The following ENOSF1 variants were observed in gnomAD, a reference collection of about 807,000 sequenced individuals.
The protein encoded by ENOSF1 is enolase superfamily member 1, also known as mitochondrial enolase superfamily member 1.
Under a neutral mutation model 68.2 loss-of-function variants are expected in ENOSF1, and 73 were observed. That is an observed-to-expected ratio of 1.07 (90% CI 0.89 to 1.30). The LOEUF is 1.30. ENOSF1 is among the 50% of genes most tolerant of loss of function. The pLI, the probability that ENOSF1 is intolerant of heterozygous loss-of-function variation, is 0.00. For missense variants in ENOSF1, 589 were observed against 554.5 expected, an observed-to-expected ratio of 1.06 and a Z score of -0.62; for synonymous variants, 223 against 210.4, an observed-to-expected ratio of 1.06 and a Z score of -0.52.
intron 11 of ENOSF1, among the ~76,000 whole-genome samples, chr18:682,607 C>T (rs1786209515): frequency 6.6e-6 from 1 of 151,616 alleles, no homozygotes; most frequent in African/African-American, 2.4e-5. Flanking sequence ...CGGTGGCTCA[C>T]TCCTGTAATC....
At chr18:690,911 C>T (rs2077090673) in intron 7 of ENOSF1, 157 bp downstream of exon 7, 5 of 1,183,492 alleles carry the variant, frequency 4.2e-6, no homozygotes, top group Non-Finnish European at 5.9e-6. Flanking sequence ...GAGGTCATAC[C>T]CAGCAGGCTT....
chr18:674,207 G>C lies in ENOSF1; in HGVS notation c.*98C>G. 1 of 813,046 alleles carries C rather than the reference G, an allele frequency of 1.2e-6. No individual in the cohort carries two copies. The highest frequency in any genetic ancestry group is 2.0e-6 in the Non-Finnish European group (1 of 498,098). The allele number at this position is 813,046 out of a possible 1,614,324, so 50.4% of individuals were successfully genotyped here. A position where few individuals can be genotyped will look rare whatever the true frequency, so the allele number is the denominator to read the frequency against. ...TATGACTTCTAGCTGAACTCATCTT[G>C]ATCGGTAGGATTTTTTAAATCCATT... On this transcript the variant is annotated 3_prime_UTR_variant, in exon 16 of 16. Coordinates refer to ENST00000647584, the MANE Select transcript of ENOSF1 (RefSeq NM_017512.7).
rs781476902 is a variant in ENOSF1, at chr18:677,410, G to C, written c.1083C>G (p.Leu361=). 2 of 1,613,870 alleles carry C rather than the reference G, an allele frequency of 1.2e-6. No individual in the cohort carries two copies. The highest frequency in any genetic ancestry group is 1.7e-6 in the Non-Finnish European group (2 of 1,179,980). Residue 361 remains leucine, a synonymous_variant, in exon 14 of 16, where the codon CTC becomes CTG. Coordinates refer to ENST00000647584, the MANE Select transcript of ENOSF1 (RefSeq NM_017512.7). ...PVCPHAGGVG[L]CELVQHLIIF... ...TAATCAGGTGCTGCACCAGTTCACA[G>C]AGGCCAACTCCACCAGCATGGGGGC...
intron 5 of ENOSF1, chr18:692,785 G>A: frequency 9.9e-7 from 1 of 1,007,646 alleles, no homozygotes; most frequent in Non-Finnish European, 1.2e-6. Flanking sequence ...ATCTAGAAGG[G>A]GGCTCAAGAG....
downstream of ENOSF1, chr18:669,390 T>TTTTTTTA (rs2074937286): frequency 2.4e-6 from 1 of 419,526 alleles, no homozygotes; most frequent in African/African-American, 2.3e-5. Flanking sequence ...TTTTTTTTTT[T>TTTTTTTA]GAGACAGAGT....
chr18:690,404 TGGA>T (rs1290227133), intron 8 of ENOSF1, 142 bp downstream of exon 8: 4 of 838,816 alleles, frequency 4.8e-6, no homozygotes, highest in East Asian at 2.5e-5. Context: ...CACAGAGAAG[TGGA>T]GAACTGGTTG....
intron 10 of ENOSF1, among the ~76,000 whole-genome samples, chr18:685,639 A>T (rs527641948): frequency 4.6e-5 from 7 of 152,250 alleles, no homozygotes; most frequent in Admixed American, 4.6e-4. Flanking sequence ...TGATTGACAC[A>T]CCAGAGCACC....
intron 11 of ENOSF1, among the ~76,000 whole-genome samples, chr18:679,208 CTT>C (rs71174268): frequency 0.32 from 38,964 of 123,058 alleles, 5,217 homozygotes; most frequent in East Asian, 0.41. Flanking sequence ...CCTCTCATAT[CTT>C]TTTTTTTTTT....
rs769227031 is a variant in ENOSF1 at position 683,236 on chromosome 18, G to A, written c.876+10C>T. On this transcript the variant is annotated intron_variant, in intron 11 of 15. Transcript: ENST00000647584. ...ATAAGCTGCCACAGCAGCAGCAGCCGTTTTCCTACCTTGGAAATGGTGGCG... is the reference window on the plus strand; with the variant it reads ...ATAAGCTGCCACAGCAGCAGCAGCCATTTTCCTACCTTGGAAATGGTGGCG... The A allele has an allele frequency of 1.6e-5, 26 of 1,613,818 alleles. 2 individuals carry two copies. The highest frequency in any genetic ancestry group is 1.0e-4 in the Admixed American group (6 of 59,986).
At position 677,763 on chromosome 18, in the gene ENOSF1, A is replaced by G. The variant is rs768564048; in HGVS notation, c.1028T>C (p.Leu343Pro). The G allele has an allele frequency of 3.1e-6, 5 of 1,613,694 alleles. No homozygotes were observed. In the Admixed American group the frequency reaches 8.3e-5, roughly 27 times the overall value. The change falls in exon 13 of 16, where the codon CTG becomes CCG. Residue 343 changes from leucine (L) to proline (P), a missense_variant. Transcript: ENST00000647584. Reference protein sequence around the residue: ...GSVNENLSVLLMAKKFEIPVC... With the variant: ...GSVNENLSVLPMAKKFEIPVC... ...CTTACTTTCAAACTTTTTGGCCATC[A>G]GCAATACTGAGAGGTTCTCATTGAC...
chr18:702,259 C>CTT (rs2078437148), intron 2 of ENOSF1, among the ~76,000 whole-genome samples: 2 of 43,872 alleles, frequency 4.6e-5, no homozygotes, highest in African/African-American at 1.0e-4. Context: ...AGCGAAACTA[C>CTT]ATCTCAAAAA....
chr18:666,568 G>A (rs532315168), downstream of ENOSF1, among the ~76,000 whole-genome samples: 4 of 152,184 alleles, frequency 2.6e-5, no homozygotes, highest in African/African-American at 4.8e-5. Flanking sequence ...TACTAGCTGG[G>A]CAGAGACCAG....
rs771981939 is a variant in ENOSF1, at chr18:672,820, G to A, written c.*1485C>T. 5.9e-5 allele frequency: 91 copies of A among 1,538,812 alleles called. 1 individual carries two copies. The East Asian group carries it at 7.3e-4, about 12-fold the overall frequency. On this transcript the variant is annotated 3_prime_UTR_variant, in exon 16 of 16. Transcript: ENST00000647584. ...ACATGAGGAGCAATTACAACAGGTC[G>A]TACAATTATGGCAAAATAATGGCCT...
At chr18:698,432 C>T (rs545562938) in intron 2 of ENOSF1, among the ~76,000 whole-genome samples, 1 of 152,206 alleles carries the variant, frequency 6.6e-6, no homozygotes, top group Admixed American at 6.5e-5. Flanking sequence ...AACTATTAAA[C>T]ATTAAATAAA....
chr18:667,991 A>AGTTTTTTTTTTTTTT (rs1491559672), downstream of ENOSF1, among the ~76,000 whole-genome samples: 1 of 74,894 alleles, frequency 1.3e-5, no homozygotes, highest in Non-Finnish European at 2.4e-5. Flanking sequence ...GATTCACAGG[A>AGTTTTTTTTTTTTTT]ATTTTTTTTT....
chr18:711,390 G>T (rs370927476), intron 1 of ENOSF1, among the ~76,000 whole-genome samples: 1 of 152,132 alleles, frequency 6.6e-6, no homozygotes, highest in African/African-American at 2.4e-5. Flanking sequence ...ATTACAATGG[G>T]AATTAGAGAC....
chr18:690,147 A>C lies in ENOSF1; in HGVS notation c.618+402T>G, dbSNP rs535148037. 2.8e-4 allele frequency among the ~76,000 whole-genome samples: 43 copies of C among 152,140 alleles called. 1 individual carries two copies. Among genetic ancestry groups the C allele is most frequent in the African/African-American group, 9.7e-4 (40 of 41,446 alleles). ...TGCATCCTTTATAATAAATGAGTAA[A>C]CATAAGTAGTGTTTCCCTGAATTCC... On this transcript the variant is annotated intron_variant, in intron 8 of 15. Transcript: ENST00000647584.
chr18:680,839 C>T (rs368085069), intron 11 of ENOSF1, among the ~76,000 whole-genome samples: 1 of 150,202 alleles, frequency 6.7e-6, no homozygotes, highest in African/African-American at 2.5e-5. Context: ...CATCACCGCG[C>T]CCTGCTAATT....
At position 671,214 on chromosome 18, in the gene ENOSF1, C is replaced by G. The variant is rs778210132; in HGVS notation, c.*3091G>C. On this transcript the variant is annotated 3_prime_UTR_variant, in exon 16 of 16. Transcript: ENST00000647584. Reference sequence around the variant, plus strand: ...CTTGAGGTCTGGAGTTCAATACCAGCCTGGGCAACATAACAAGATGCTGTT... The same window carrying G: ...CTTGAGGTCTGGAGTTCAATACCAGGCTGGGCAACATAACAAGATGCTGTT... 6.3e-6 allele frequency: 4 copies of G among 638,802 alleles called. No homozygotes were observed. Among genetic ancestry groups the G allele is most frequent in the Non-Finnish European group, 1.1e-5 (4 of 363,108 alleles). 39.6% of individuals were successfully genotyped at this position (638,802 alleles called of 1,614,324 possible).
Sources: gnomAD v4.1 joint callset for allele counts (sites outside exome capture counted in the v4.1 genomes callset) on GRCh38, gnomAD v4.1.1 for gene constraint, MANE v1.5 for transcripts, NCBI Gene and HGNC (gene_info 2026-07-23, HGNC 2026-07-21) for gene names.